BMP15: variants seen among roughly 807,000 people sequenced by gnomAD.
The protein encoded by BMP15 is growth/differentiation factor 9B.
BMP15 carries 5 observed loss-of-function variants against 4.4 expected under a neutral mutation model. That is an observed-to-expected ratio of 1.13 (90% confidence interval 0.59 to 2.38). The LOEUF is 2.38. Ranked by LOEUF, BMP15 falls within the 30% of genes most tolerant of loss-of-function variation. The pLI is 0.01. For missense variants in BMP15, 339 were observed against 309.8 expected, an observed-to-expected ratio of 1.09 and a Z score of -0.71; for synonymous variants, 125 against 114.6, an observed-to-expected ratio of 1.09 and a Z score of -0.58.
At position 50,911,051 on chromosome X, in the gene BMP15, A is replaced by T. The variant is rs782519759; in HGVS notation, c.268A>T (p.Ile90Phe). 4 of 1,197,120 alleles carry T rather than the reference A, an allele frequency of 3.3e-6. No homozygotes were observed. Among genetic ancestry groups the T allele is most frequent in the Non-Finnish European group, 4.5e-6 (4 of 888,549 alleles). ...SHGHPRENRT[I>F]GATMVRLVKP... ...TGGGCACCCTAGAGAGAACCGCACCATTGGGGCCACCATGGTGAGGCTGGT... is the reference window on the plus strand; with the variant it reads ...TGGGCACCCTAGAGAGAACCGCACCTTTGGGGCCACCATGGTGAGGCTGGT... Residue 90 changes from isoleucine to phenylalanine, a missense_variant, in exon 1 of 2, where the codon ATT (isoleucine) becomes TTT (phenylalanine). By Grantham distance (21) the Ile-to-Phe change is conservative. Coordinates refer to ENST00000252677, the MANE Select transcript of BMP15 (RefSeq NM_005448.2).
Position 50,916,044 on chromosome X carries a change from C to G in BMP15, c.616C>G (p.Arg206Gly), listed in dbSNP as rs782542588. The change falls in exon 2 of 2, where the codon CGT becomes GGT. Residue 206 changes from arginine to glycine, a missense_variant. Arg to Gly is a moderately radical substitution (Grantham distance 125). Coordinates refer to ENST00000252677, the MANE Select transcript of BMP15 (RefSeq NM_005448.2). Reference protein sequence around the residue: ...NNKGHRILRLRFMCQQQKDSG... With the variant: ...NNKGHRILRLGFMCQQQKDSG... ...CAAGGGACACAGGATCCTACGACTC[C>G]GTTTTATGTGTCAGCAGCAAAAAGA... 1 of 1,210,219 alleles carries G rather than the reference C, an allele frequency of 8.3e-7. No individual in the cohort carries two copies. Among genetic ancestry groups the G allele is most frequent in the African/African-American group, 1.7e-5 (1 of 57,224 alleles).
chrX:50,916,182 G>A lies in BMP15; in HGVS notation c.754G>A (p.Gly252Ser). The change falls in exon 2 of 2, where the codon GGC (glycine) becomes AGC (serine). Residue 252 changes from glycine to serine, a missense_variant. Gly to Ser is a moderately conservative substitution (Grantham distance 56). Coordinates refer to ENST00000252677, the MANE Select transcript of BMP15 (RefSeq NM_005448.2). ...TCGGAAGGCTAAATTTCTTCCCAGG[G>A]GCATGGAGGAGTTCATGGAAAGGGA... ...SIRKAKFLPR[G>S]MEEFMERESL... is the part of the protein sequence containing the mutation. The A allele has an allele frequency of 8.3e-7, 1 of 1,208,077 alleles. No homozygotes were observed. The highest frequency in any genetic ancestry group is 1.1e-6 in the Non-Finnish European group (1 of 895,408).
intron 1 of BMP15, among the ~76,000 whole-genome samples, chrX:50,914,659 G>A (rs958364427): frequency 1.8e-5 from 2 of 111,954 alleles, no homozygotes; most frequent in Non-Finnish European, 3.8e-5. Context: ...AGAATTCCAG[G>A]CTTGTGGATT....
At chrX:50,914,252 G>A (rs934018238) in intron 1 of BMP15, among the ~76,000 whole-genome samples, 4 of 112,156 alleles carry the variant, frequency 3.6e-5, no homozygotes, top group East Asian at 2.8e-4. Flanking sequence ...GATTAGAGGC[G>A]TGAGCCACCG....
At chrX:50,911,706 T>C (rs782574822) in intron 1 of BMP15, among the ~76,000 whole-genome samples, 31 of 111,697 alleles carry the variant, frequency 2.8e-4, no homozygotes, top group African/African-American at 8.8e-4. Context: ...GTCGCAGAGA[T>C]GGGATTGCAG....
intron 1 of BMP15, among the ~76,000 whole-genome samples, chrX:50,914,235 G>A (rs1346569573): frequency 8.9e-6 from 1 of 112,263 alleles, no homozygotes; most frequent in South Asian, 3.7e-4. Flanking sequence ...GACTCCCAAA[G>A]TGCTGGGATT....
chrX:50,916,636 C>T lies in BMP15; in HGVS notation c.*29C>T, dbSNP rs1557280403. ...CAACAGTACGGCTAGATCAGGTTTC[C>T]CAGGAAACTGGAGGAGAGTTTAAAA... On this transcript the variant is annotated 3_prime_UTR_variant, in exon 2 of 2. Coordinates refer to ENST00000252677, the MANE Select transcript of BMP15 (RefSeq NM_005448.2). The T allele has an allele frequency of 1.7e-6, 2 of 1,209,157 alleles. No individual in the cohort carries two copies. Among genetic ancestry groups the T allele is most frequent in the Non-Finnish European group, 2.2e-6 (2 of 894,355 alleles).
intron 1 of BMP15, 110 bp from the exon 2 acceptor site, chrX:50,915,647 T>A: frequency 9.8e-7 from 1 of 1,022,726 alleles, no homozygotes; most frequent in East Asian, 3.0e-5. Context: ...CTTGAGTTAA[T>A]TTTAGGGCTG....
intron 1 of BMP15, among the ~76,000 whole-genome samples, chrX:50,911,956 G>T (rs1557280003): frequency 9.0e-6 from 1 of 111,100 alleles, no homozygotes; most frequent in Non-Finnish European, 1.9e-5. Context: ...GGACTCTCTA[G>T]AGAATGCAGA....
At chrX:50,914,414 T>G (rs1229883128) in intron 1 of BMP15, among the ~76,000 whole-genome samples, 2 of 112,018 alleles carry the variant, frequency 1.8e-5, no homozygotes, top group Non-Finnish European at 3.8e-5. Context: ...CAAAACCCTG[T>G]CTCTACAAAA....
At chrX:50,914,054 T>A (rs1458295228) in intron 1 of BMP15, among the ~76,000 whole-genome samples, 2 of 111,695 alleles carry the variant, frequency 1.8e-5, no homozygotes, top group Non-Finnish European at 3.8e-5. Context: ...CACTACAACC[T>A]CTGCCTCCCG....
At chrX:50,911,254 A>G in intron 1 of BMP15, 143 bp downstream of exon 1, 1 of 743,347 alleles carries the variant, frequency 1.3e-6, no homozygotes. Flanking sequence ...AAAGGATGGC[A>G]AGCTTTGGAG....
At position 50,915,740 on chromosome X, in the gene BMP15, C is replaced by T; in HGVS notation, c.329-17C>T. On this transcript the variant is annotated splice_polypyrimidine_tract_variant and intron_variant, in intron 1 of 1. Coordinates refer to ENST00000252677, the MANE Select transcript of BMP15 (RefSeq NM_005448.2). ...AAGAAGCTAAACCTCTGCTCTTGTT[C>T]CCTCTTACTTCTGCAGGTACCTGGC... 1.7e-6 allele frequency: 2 copies of T among 1,210,832 alleles called. No individual in the cohort carries two copies. Among genetic ancestry groups the T allele is most frequent in the Non-Finnish European group, 2.2e-6 (2 of 894,988 alleles).
chrX:50,916,193 G>C lies in BMP15; in HGVS notation c.765G>C (p.Glu255Asp). 2.5e-6 allele frequency: 3 copies of C among 1,205,789 alleles called. No individual in the cohort carries two copies. The highest frequency in any genetic ancestry group is 2.3e-4 in the Middle Eastern group (1 of 4,352). ...AATTTCTTCCCAGGGGCATGGAGGA[G>C]TTCATGGAAAGGGAATCTCTTCTCC... ...KAKFLPRGME[E>D]FMERESLLRR... The change falls in exon 2 of 2, where the codon GAG becomes GAC. Residue 255 changes from glutamate (E) to aspartate (D), a missense_variant. Physicochemically the swap from Glu to Asp is conservative, Grantham distance 45. Coordinates refer to ENST00000252677, the MANE Select transcript of BMP15 (RefSeq NM_005448.2).
At chrX:50,914,485 G>A (rs1188966748) in intron 1 of BMP15, among the ~76,000 whole-genome samples, 3 of 111,846 alleles carry the variant, frequency 2.7e-5, no homozygotes, top group Non-Finnish European at 3.8e-5. Context: ...ATCCATGGGG[G>A]CTGAGGTGAG....
Position 50,910,851 on chromosome X carries a change from C to A in BMP15, c.68C>A (p.Ala23Asp). 8.3e-7 allele frequency: 1 copy of A among 1,209,182 alleles called. No homozygotes were observed. Among genetic ancestry groups the A allele is most frequent in the Non-Finnish European group, 1.1e-6 (1 of 894,109 alleles). ...CTCGTGCTTTTCATGGAACACAGGGCCCAAATGGCAGAAGGAGGGCAGTCC... is the reference window on the plus strand; with the variant it reads ...CTCGTGCTTTTCATGGAACACAGGGACCAAATGGCAGAAGGAGGGCAGTCC... ...CELVLFMEHR[A>D]QMAEGGQSSI... Residue 23 changes from alanine to aspartate, a missense_variant, in exon 1 of 2, where the codon GCC becomes GAC. Transcript: ENST00000252677.
intron 1 of BMP15, among the ~76,000 whole-genome samples, chrX:50,913,092 G>T (rs1475213164): frequency 9.0e-6 from 1 of 110,927 alleles, no homozygotes; most frequent in Non-Finnish European, 1.9e-5. Context: ...GGAAATGGCA[G>T]GGTATGAGGC....
At chrX:50,913,597 G>GA (rs1419228075) in intron 1 of BMP15, among the ~76,000 whole-genome samples, 4 of 111,790 alleles carry the variant, frequency 3.6e-5, no homozygotes, top group African/African-American at 1.3e-4. Context: ...AGGGACTGTG[G>GA]AAAGGATCCA....
At position 50,910,886 on chromosome X, in the gene BMP15, C is replaced by T. The variant is rs1557279890; in HGVS notation, c.103C>T (p.Leu35Phe). Residue 35 changes from leucine (L) to phenylalanine (F), a missense_variant, in exon 1 of 2, where the codon CTT becomes TTT. Transcript: ENST00000252677. ...MAEGGQSSIALLAEAPTLPLI... is the reference protein window; with the variant it reads ...MAEGGQSSIAFLAEAPTLPLI... ...AGAAGGAGGGCAGTCCTCTATTGCC[C>T]TTCTGGCTGAGGCCCCTACTTTGCC... is the stretch of plus-strand genomic sequence containing the variant. 3 of 1,204,623 alleles carry T rather than the reference C, an allele frequency of 2.5e-6. No individual in the cohort carries two copies. The highest frequency in any genetic ancestry group is 3.4e-6 in the Non-Finnish European group (3 of 891,587).
Sources: gnomAD v4.1 joint callset for allele counts (sites outside exome capture counted in the v4.1 genomes callset) on GRCh38, gnomAD v4.1.1 for gene constraint, MANE v1.5 for transcripts, NCBI Gene and HGNC (gene_info 2026-07-23, HGNC 2026-07-21) for gene names.